Variants in GALNT17 observed in about 807,000 individuals in gnomAD.
GALNT17 encodes UDP-GalNAc:polypeptide N-acetylgalactosaminyltransferase-like 3.
Under a neutral mutation model 63.7 loss-of-function variants are expected in GALNT17, and 29 were observed. The observed-to-expected ratio is 0.46, with a 90% CI of 0.34 to 0.62. GALNT17 has a LOEUF of 0.62. Ranked by LOEUF, GALNT17 falls within the 20% of genes least tolerant of loss-of-function variation. GALNT17 has a pLI of 0.01. For missense variants in GALNT17, 603 were observed against 799.6 expected, an observed-to-expected ratio of 0.75 and a Z score of 2.97; for synonymous variants, 305 against 318.3, an observed-to-expected ratio of 0.96 and a Z score of 0.45.
chr7:71,317,574 G>C (rs11970929), intron 1 of GALNT17, among the ~76,000 whole-genome samples: 78,715 of 151,762 alleles, frequency 0.52, 20,621 homozygotes, highest in Non-Finnish European at 0.55. Context: ...AGGCTGCTCT[G>C]GGGGGATCAT....
At chr7:71,631,346 A>T (rs1452699767) in intron 6 of GALNT17, among the ~76,000 whole-genome samples, 1 of 151,794 alleles carries the variant, frequency 6.6e-6, no homozygotes, top group African/African-American at 2.4e-5. Flanking sequence ...GACATGCATG[A>T]CCACACCCAG....
At chr7:71,379,126 C>T (rs1056773843) in intron 2 of GALNT17, among the ~76,000 whole-genome samples, 1 of 152,112 alleles carries the variant, frequency 6.6e-6, no homozygotes, top group African/African-American at 2.4e-5. Context: ...AGGAGAAGTG[C>T]CTGATACCAG....
intron 5 of GALNT17, among the ~76,000 whole-genome samples, chr7:71,470,196 G>A (rs1366396463): frequency 3.9e-5 from 6 of 152,180 alleles, no homozygotes; most frequent in Non-Finnish European, 4.4e-5. Context: ...AAGACAGAGC[G>A]AGACTCCCTC....
intron 5 of GALNT17, among the ~76,000 whole-genome samples, chr7:71,522,585 C>T (rs1373028645): frequency 6.6e-6 from 1 of 152,116 alleles, no homozygotes; most frequent in Non-Finnish European, 1.5e-5. Flanking sequence ...GAAAGACCCT[C>T]CCCCATAATT....
intron 1 of GALNT17, among the ~76,000 whole-genome samples, chr7:71,216,789 TACAC>T (rs1479721144): frequency 6.6e-6 from 1 of 151,790 alleles, no homozygotes; most frequent in Non-Finnish European, 1.5e-5. Flanking sequence ...CATATATACA[TACAC>T]ATATATGCAC....
At chr7:71,289,205 CTT>C (rs35418833) in intron 1 of GALNT17, among the ~76,000 whole-genome samples, 63 of 117,782 alleles carry the variant, frequency 5.3e-4, no homozygotes, top group Non-Finnish European at 5.4e-4. Context: ...CTGACCACGT[CTT>C]TTTTTTTTTT....
At chr7:71,405,158 C>T (rs1189651397) in intron 3 of GALNT17, among the ~76,000 whole-genome samples, 1 of 152,216 alleles carries the variant, frequency 6.6e-6, no homozygotes, top group Non-Finnish European at 1.5e-5. Context: ...AGGACAAGCC[C>T]AGGCCAGGCC....
intron 1 of GALNT17, among the ~76,000 whole-genome samples, chr7:71,197,680 T>C (rs1446064126): frequency 6.6e-6 from 1 of 152,078 alleles, no homozygotes; most frequent in Non-Finnish European, 1.5e-5. Context: ...CCTCCACAAA[T>C]AAGGGAGAGT....
intron 6 of GALNT17, among the ~76,000 whole-genome samples, chr7:71,642,998 G>A (rs1790625015): frequency 6.6e-6 from 1 of 152,156 alleles, no homozygotes; most frequent in Non-Finnish European, 1.5e-5. Flanking sequence ...ACCCAGGGGT[G>A]GCAAGAAAAT....
chr7:71,361,625 G>A (rs1792403260), intron 2 of GALNT17, among the ~76,000 whole-genome samples: 1 of 152,086 alleles, frequency 6.6e-6, no homozygotes, highest in Admixed American at 6.5e-5. Flanking sequence ...ATATGTGTCT[G>A]GCTATAATAC....
intron 5 of GALNT17, among the ~76,000 whole-genome samples, chr7:71,423,880 C>CA (rs772594910): frequency 3.3e-5 from 5 of 152,050 alleles, no homozygotes; most frequent in Non-Finnish European, 5.9e-5. Flanking sequence ...TGTGATCACT[C>CA]CTCTGCACTC....
At chr7:71,482,242 C>A (rs949727756) in intron 5 of GALNT17, among the ~76,000 whole-genome samples, 3 of 151,528 alleles carry the variant, frequency 2.0e-5, no homozygotes, top group African/African-American at 7.3e-5. Flanking sequence ...CTCTGCCTCC[C>A]GGGTTCAAGT....
intron 1 of GALNT17, among the ~76,000 whole-genome samples, chr7:71,148,648 G>A (rs943271179): frequency 2.6e-5 from 4 of 151,940 alleles, no homozygotes; most frequent in Non-Finnish European, 4.4e-5. Flanking sequence ...CTAGAATACT[G>A]AAGGCTGTGG....
intron 1 of GALNT17, among the ~76,000 whole-genome samples, chr7:71,326,652 T>C (rs962067315): frequency 1.3e-5 from 2 of 152,252 alleles, no homozygotes; most frequent in East Asian, 3.8e-4. Context: ...TTGTTACTTT[T>C]AGAAATAGAT....
At chr7:71,647,229 A>ATTTTTTTTTTTTTTTTTTTTTTTTTTTT (rs5884850) in intron 6 of GALNT17, among the ~76,000 whole-genome samples, 1 of 137,516 alleles carries the variant, frequency 7.3e-6, no homozygotes, top group African/African-American at 3.1e-5. Flanking sequence ...GTGCCCAGCT[A>ATTTTTTTTTTTTTTTTTTTTTTTTTTTT]TTTTTTTTTT....
At chr7:71,527,448 T>G (rs1463340003) in intron 5 of GALNT17, among the ~76,000 whole-genome samples, 2 of 152,320 alleles carry the variant, frequency 1.3e-5, no homozygotes, top group Non-Finnish European at 2.9e-5. Context: ...GCCCTGAGCC[T>G]AGAGATTCCA....
intron 1 of GALNT17, among the ~76,000 whole-genome samples, chr7:71,236,609 G>C (rs1789895689): frequency 6.6e-6 from 1 of 152,092 alleles, no homozygotes; most frequent in Non-Finnish European, 1.5e-5. Context: ...TGGGAGGGAC[G>C]GGCTGGTGTT....
At chr7:71,640,856 A>C (rs924802656) in intron 6 of GALNT17, among the ~76,000 whole-genome samples, 1 of 152,036 alleles carries the variant, frequency 6.6e-6, no homozygotes, top group Non-Finnish European at 1.5e-5. Flanking sequence ...AAAAAAAAAA[A>C]AACTAAACTA....
At chr7:71,283,157 C>A (rs575807240) in intron 1 of GALNT17, among the ~76,000 whole-genome samples, 296 of 152,006 alleles carry the variant, frequency 1.9e-3, no homozygotes, top group Admixed American at 3.7e-3. Context: ...TCAGCCCCCC[C>A]CAAGTAGCTG....
Sources: gnomAD v4.1 joint callset for allele counts (sites outside exome capture counted in the v4.1 genomes callset) on GRCh38, gnomAD v4.1.1 for gene constraint, MANE v1.5 for transcripts, NCBI Gene and HGNC (gene_info 2026-07-23, HGNC 2026-07-21) for gene names.